Variants in CNDP1 observed in about 807,000 individuals in gnomAD.
CNDP1 encodes the protein beta-Ala-His dipeptidase.
A neutral mutation model predicts 58.1 loss-of-function variants in CNDP1; 44 were observed. The ratio of observed to expected loss-of-function variants is 0.76; its 90% CI spans 0.60 to 0.97. The LOEUF (loss-of-function observed/expected upper bound fraction) is 0.97. CNDP1 is among the 50% of genes least tolerant of loss of function. CNDP1 has a pLI of 0.00. For synonymous variants in CNDP1, 254 were observed against 252.6 expected (o/e 1.01, Z -0.05); for missense variants, 616 against 655.1 (o/e 0.94, Z 0.65).
rs377060000 is a variant in CNDP1 at position 74,577,130 on chromosome 18, T to C, written c.1002+101T>C. ...TTGTCTGGTGCTAATCTCCGTATCT[T>C]AGAATCCAAAGCAGATGTGAATTCC... On this transcript the variant is annotated intron_variant, in intron 8 of 11. Coordinates refer to ENST00000358821, the MANE Select transcript of CNDP1 (RefSeq NM_032649.6). 9 of 1,114,162 alleles carry C rather than the reference T, an allele frequency of 8.1e-6. No individual in the cohort carries two copies. The African/African-American group carries it at 1.1e-4, about 14-fold the overall frequency. 69.0% of individuals were successfully genotyped at this position (1,114,162 alleles called of 1,614,324 possible). A position where few individuals can be genotyped will look rare whatever the true frequency, so the allele number is the denominator to read the frequency against.
chr18:74,538,564 T>TGCC, intron 1 of CNDP1, among the ~76,000 whole-genome samples: 1 of 152,198 alleles, frequency 6.6e-6, no homozygotes. Context: ...GGGAGTGGAA[T>TGCC]TGCCGGTTGA....
chr18:74,539,826 A>G (rs1481197146), intron 1 of CNDP1, among the ~76,000 whole-genome samples: 1 of 152,314 alleles, frequency 6.6e-6, no homozygotes. Context: ...GCCAGTTCCA[A>G]CAATTACCAA....
At chr18:74,544,217 A>T (rs541943102) in intron 1 of CNDP1, among the ~76,000 whole-genome samples, 1 of 152,276 alleles carries the variant, frequency 6.6e-6, no homozygotes, top group African/African-American at 2.4e-5. Context: ...ATGCCACTAC[A>T]CTCCAGCCTG....
At chr18:74,558,392 C>CTTTAT (rs766656838) in intron 2 of CNDP1, among the ~76,000 whole-genome samples, 1 of 114,312 alleles carries the variant, frequency 8.7e-6, no homozygotes, top group African/African-American at 3.6e-5. Context: ...CTTTCTTTTT[C>CTTTAT]TTTTTTTTTT....
In CNDP1 at chr18:74,567,248, A is replaced by G; in HGVS notation, c.571A>G (p.Ile191Val). ...RALEQDLPVN[I>V]KFIIEGMEEA... ...TGTTACTTAGGATCTTCCTGTGAAT[A>G]TCAAATTCATCATTGAGGGGATGGA... Residue 191 changes from isoleucine to valine, a missense_variant, in exon 6 of 12, where the codon ATC (isoleucine) becomes GTC (valine). Coordinates refer to ENST00000358821, the MANE Select transcript of CNDP1 (RefSeq NM_032649.6). 1.2e-6 allele frequency: 2 copies of G among 1,614,152 alleles called. No individual in the cohort carries two copies. The highest frequency in any genetic ancestry group is 1.1e-5 in the South Asian group (1 of 91,084).
rs1981876573 is a variant in CNDP1 at position 74,584,986 on chromosome 18, T to C, written c.*424T>C. The C allele has an allele frequency of 6.2e-6, 1 of 160,336 alleles. No individual in the cohort carries two copies. The highest frequency in any genetic ancestry group is 1.4e-5 in the Non-Finnish European group (1 of 72,682). The allele number at this position is 160,336 out of a possible 1,614,324, so 9.9% of individuals were successfully genotyped here. On this transcript the variant is annotated 3_prime_UTR_variant, in exon 12 of 12. Coordinates refer to ENST00000358821, the MANE Select transcript of CNDP1 (RefSeq NM_032649.6). ...TTTGCTTTACCACTCTTTCCTTTTA[T>C]CTTATTAATAAAAATGTTGGTCTCC...
At chr18:74,567,704 G>A (rs1486751909) in intron 6 of CNDP1, among the ~76,000 whole-genome samples, 4 of 152,168 alleles carry the variant, frequency 2.6e-5, no homozygotes, top group Non-Finnish European at 5.9e-5. Flanking sequence ...AGCAAAGCTT[G>A]GAAACTCTGG....
At chr18:74,580,051 T>G in intron 9 of CNDP1, 79 bp from the exon 10 acceptor site, 2 of 1,303,762 alleles carry the variant, frequency 1.5e-6, no homozygotes, top group East Asian at 4.8e-5. Context: ...ACTAATCAGT[T>G]TCTTGATGGA....
chr18:74,553,319 A>C (rs981678163), intron 1 of CNDP1, among the ~76,000 whole-genome samples: 1 of 152,176 alleles, frequency 6.6e-6, no homozygotes, highest in Non-Finnish European at 1.5e-5. Flanking sequence ...TTGGTGTCAT[A>C]TCTAAGAAAC....
chr18:74,575,979 C>T (rs997001646), intron 7 of CNDP1, among the ~76,000 whole-genome samples: 1 of 150,938 alleles, frequency 6.6e-6, no homozygotes, highest in African/African-American at 2.4e-5. Context: ...AAGCGATTCT[C>T]CTGCCTCAGC....
chr18:74,581,262 G>GTGTGTGTGTGTT (rs1370976903), intron 10 of CNDP1, among the ~76,000 whole-genome samples: 1 of 143,366 alleles, frequency 7.0e-6, no homozygotes, highest in African/African-American at 2.5e-5. Flanking sequence ...GTGTGTGTGT[G>GTGTGTGTGTGTT]TAAGCTTGAC....
intron 1 of CNDP1, among the ~76,000 whole-genome samples, chr18:74,540,834 C>CT (rs531196431): frequency 2.6e-4 from 39 of 152,338 alleles, no homozygotes; most frequent in African/African-American, 9.1e-4. Context: ...CGTGAACTTA[C>CT]TGCAGATGGT....
chr18:74,535,012 A>G (rs1476431047), intron 1 of CNDP1, among the ~76,000 whole-genome samples: 1 of 152,168 alleles, frequency 6.6e-6, no homozygotes, highest in African/African-American at 2.4e-5. Flanking sequence ...TTTAAAAAAA[A>G]TGAGTTTGCT....
At chr18:74,578,415 C>A in intron 9 of CNDP1, 88 bp downstream of exon 9, 1 of 1,319,190 alleles carries the variant, frequency 7.6e-7, no homozygotes, top group Non-Finnish European at 1.0e-6. Flanking sequence ...AGTGAGGTTG[C>A]TACCATTGGA....
chr18:74,562,996 C>T (rs185118619), intron 5 of CNDP1, among the ~76,000 whole-genome samples: 58 of 152,266 alleles, frequency 3.8e-4, no homozygotes, highest in African/African-American at 1.2e-3. Context: ...CTGTCCTGGA[C>T]GCCGCCTCAG....
At chr18:74,540,452 G>A (rs368849205) in intron 1 of CNDP1, among the ~76,000 whole-genome samples, 21 of 152,186 alleles carry the variant, frequency 1.4e-4, no homozygotes, top group East Asian at 7.7e-4. Context: ...GAGCCACCAC[G>A]TCTGAACTCT....
intron 1 of CNDP1, among the ~76,000 whole-genome samples, chr18:74,555,674 G>A (rs73478612): frequency 0.12 from 17,541 of 152,168 alleles, 1,136 homozygotes; most frequent in South Asian, 0.17. Context: ...AGGGAGGGGA[G>A]AGGAGGGAGG....
chr18:74,578,312 T>A lies in CNDP1; in HGVS notation c.1152T>A (p.Ser384=), dbSNP rs755283637. 3 of 1,604,388 alleles carry A rather than the reference T, an allele frequency of 1.9e-6. No individual in the cohort carries two copies. The highest frequency in any genetic ancestry group is 1.3e-5 in the African/African-American group (1 of 74,390). The change falls in exon 9 of 12, where the codon TCT becomes TCA. Residue 384 remains serine (S), a synonymous_variant. Transcript: ENST00000358821. ...SIRLVPHMNV[S]AVEKQVTRHL... is the part of the protein sequence containing the mutation. The stretch of plus-strand genomic sequence containing the variant: ...GTCTAGTCCCTCACATGAATGTGTC[T>A]GCGGTGGAAAAACAGGTAACAAATG...
At chr18:74,584,468 A>C (rs777571510) in intron 11 of CNDP1, 28 bp from the exon 12 acceptor site, 4 of 1,546,394 alleles carry the variant, frequency 2.6e-6, no homozygotes, top group Admixed American at 1.7e-5. Flanking sequence ...ATTGTAACAA[A>C]ATTTCTCTTT....
Sources: allele counts gnomAD v4.1 joint callset (sites outside exome capture counted in the v4.1 genomes callset), GRCh38; gene constraint gnomAD v4.1.1; transcripts MANE v1.5; gene names NCBI Gene and HGNC (gene_info 2026-07-23, HGNC 2026-07-21).